Variants in FOCAD observed in about 807,000 individuals in gnomAD.
The protein encoded by FOCAD is focadhesin.
A neutral mutation model predicts 225.6 loss-of-function variants in FOCAD; 198 were observed. The observed-to-expected ratio is 0.88, with a 90% confidence interval of 0.78 to 0.99. The LOEUF is 0.99. Ranked by LOEUF, FOCAD falls within the 50% of genes least tolerant of loss-of-function variation. The pLI is 0.00. For synonymous variants in FOCAD, 897 were observed against 755.0 expected (o/e 1.19, Z -3.08); for missense variants, 2,713 against 2,123.6 (o/e 1.28, Z -5.46).
chr9:20,676,272 C>G (rs1283482277), intron 2 of FOCAD, among the ~76,000 whole-genome samples: 1 of 152,138 alleles, frequency 6.6e-6, no homozygotes, highest in Non-Finnish European at 1.5e-5. Flanking sequence ...AAACTTTTGT[C>G]AAAAATAGAA....
chr9:20,919,988 A>T (rs200702901), intron 24 of FOCAD, among the ~76,000 whole-genome samples: 61 of 151,962 alleles, frequency 4.0e-4, no homozygotes, highest in East Asian at 1.2e-3. Context: ...AAAGAGCTTC[A>T]GCACAGCAAA....
intron 1 of FOCAD, among the ~76,000 whole-genome samples, chr9:20,701,432 G>A (rs767050493): frequency 1.3e-5 from 2 of 152,170 alleles, no homozygotes; most frequent in African/African-American, 4.8e-5. Context: ...ATCTGTGTGT[G>A]TGTAGTGTTT....
At chr9:20,844,967 T>C (rs900529103) in intron 15 of FOCAD, among the ~76,000 whole-genome samples, 3 of 152,004 alleles carry the variant, frequency 2.0e-5, no homozygotes, top group Non-Finnish European at 4.4e-5. Context: ...TTTATTTTCA[T>C]GTTTGTATTT....
intron 11 of FOCAD, among the ~76,000 whole-genome samples, chr9:20,801,427 C>T (rs1821821705): frequency 6.6e-6 from 1 of 152,128 alleles, no homozygotes; most frequent in Admixed American, 6.5e-5. Flanking sequence ...AGTGATCCAC[C>T]TGCCTTGGCC....
chr9:20,766,127 G>T (rs994594782), intron 7 of FOCAD, among the ~76,000 whole-genome samples: 1 of 152,198 alleles, frequency 6.6e-6, no homozygotes, highest in Admixed American at 6.5e-5. Context: ...GCATTACCCT[G>T]TTCTGTGCTC....
intron 8 of FOCAD, among the ~76,000 whole-genome samples, chr9:20,772,863 A>G (rs1001298073): frequency 3.3e-5 from 5 of 151,890 alleles, no homozygotes; most frequent in Admixed American, 2.6e-4. Context: ...CATGTTTTCT[A>G]TTATACAGTT....
At chr9:20,900,272 C>T (rs1448749334) in intron 21 of FOCAD, among the ~76,000 whole-genome samples, 2 of 151,928 alleles carry the variant, frequency 1.3e-5, no homozygotes, top group Non-Finnish European at 2.9e-5. Flanking sequence ...CCTGTTCTTG[C>T]TGCTGCTACC....
intron 3 of FOCAD, among the ~76,000 whole-genome samples, chr9:20,718,537 C>T (rs777144023): frequency 7.2e-5 from 11 of 152,108 alleles, no homozygotes; most frequent in Non-Finnish European, 1.5e-4. Flanking sequence ...AAATTGATTT[C>T]CTTTGTCTCA....
chr9:20,772,763 A>T (rs1174570139), intron 8 of FOCAD, among the ~76,000 whole-genome samples: 3 of 152,014 alleles, frequency 2.0e-5, no homozygotes, highest in African/African-American at 7.2e-5. Context: ...GGAAGTTGGG[A>T]GCCCAGGAAG....
chr9:20,740,283 A>T lies in FOCAD; in HGVS notation c.335A>T (p.Gln112Leu). The change falls in exon 5 of 44, where the codon CAA becomes CTA. Residue 112 changes from glutamine (Q) to leucine (L), a missense_variant. Coordinates refer to ENST00000338382, the MANE Select transcript of FOCAD (RefSeq NM_001375567.1). ...IKAIMHLLQM[Q>L]ALKEGQGGEK... ...GCCATTATGCACTTACTACAAATGCAAGCTCTTAAGGAAGGACAAGGTGGG... is the reference window on the plus strand; with the variant it reads ...GCCATTATGCACTTACTACAAATGCTAGCTCTTAAGGAAGGACAAGGTGGG... 1 of 1,612,670 alleles carries T rather than the reference A, an allele frequency of 6.2e-7. No individual in the cohort carries two copies.
intron 21 of FOCAD, among the ~76,000 whole-genome samples, chr9:20,894,660 T>C (rs1355854894): frequency 6.6e-6 from 1 of 152,118 alleles, no homozygotes; most frequent in African/African-American, 2.4e-5. Flanking sequence ...CTTTGGCCCA[T>C]TTTAAAATCT....
intron 10 of FOCAD, among the ~76,000 whole-genome samples, chr9:20,786,770 A>G (rs889544261): frequency 3.9e-5 from 6 of 152,188 alleles, no homozygotes; most frequent in Admixed American, 3.3e-4. Flanking sequence ...TAAAATAAAG[A>G]TTCTCAATTA....
chr9:20,790,006 A>G (rs1031634483), intron 11 of FOCAD, among the ~76,000 whole-genome samples: 3 of 152,216 alleles, frequency 2.0e-5, no homozygotes, highest in Admixed American at 6.5e-5. Context: ...GGGAGCCTAT[A>G]CAATAGACAT....
chr9:20,950,226 T>A (rs1312928948), intron 33 of FOCAD, among the ~76,000 whole-genome samples: 1 of 152,212 alleles, frequency 6.6e-6, no homozygotes, highest in Non-Finnish European at 1.5e-5. Flanking sequence ...CCTTCAAACC[T>A]GAAGCAACTG....
chr9:20,757,129 A>G (rs1173367409), intron 5 of FOCAD, among the ~76,000 whole-genome samples: 2 of 152,090 alleles, frequency 1.3e-5, no homozygotes, highest in Admixed American at 1.3e-4. Context: ...GGGTTTCTCC[A>G]TGTTGGTCAG....
intron 4 of FOCAD, among the ~76,000 whole-genome samples, chr9:20,729,916 TC>T (rs1057166755): frequency 1.3e-5 from 2 of 152,118 alleles, no homozygotes; most frequent in African/African-American, 4.8e-5. Flanking sequence ...TGCCTTGACT[TC>T]CCCCACCTCC....
At chr9:20,891,942 C>G (rs1178591217) in intron 21 of FOCAD, among the ~76,000 whole-genome samples, 2 of 152,172 alleles carry the variant, frequency 1.3e-5, no homozygotes, top group Non-Finnish European at 2.9e-5. Context: ...TCTAATGCAG[C>G]TGATGACTTA....
intron 2 of FOCAD, among the ~76,000 whole-genome samples, chr9:20,672,778 A>G (rs1267568931): frequency 6.6e-6 from 1 of 152,250 alleles, no homozygotes; most frequent in Non-Finnish European, 1.5e-5. Flanking sequence ...AAAAATAACC[A>G]AAGAACCACA....
chr9:20,807,192 A>G (rs1822549893), intron 11 of FOCAD, among the ~76,000 whole-genome samples: 1 of 152,232 alleles, frequency 6.6e-6, no homozygotes, highest in Non-Finnish European at 1.5e-5. Context: ...TCATTTCACA[A>G]TTACTTATCT....
Sources: allele counts gnomAD v4.1 joint callset (sites outside exome capture counted in the v4.1 genomes callset), GRCh38; gene constraint gnomAD v4.1.1; transcripts MANE v1.5; gene names NCBI Gene and HGNC (gene_info 2026-07-23, HGNC 2026-07-21).